CCDC159: variants seen among roughly 807,000 people sequenced by gnomAD.
CCDC159 encodes the protein coiled-coil domain containing 159.
CCDC159 carries 40 observed loss-of-function variants against 50.9 expected under a neutral mutation model. That is an observed-to-expected ratio of 0.79 (90% CI 0.61 to 1.02). CCDC159 has a LOEUF of 1.02. CCDC159 is among the 50% of genes least tolerant of loss of function. The pLI is 0.00. For missense variants in CCDC159, 356 were observed against 371.5 expected (o/e 0.96, Z 0.34); for synonymous variants, 146 against 138.9 (o/e 1.05, Z -0.36).
At chr19:11,351,861 G>C (rs1159736649) in intron 5 of CCDC159, 45 bp from the exon 6 acceptor site, 1 of 1,543,166 alleles carries the variant, frequency 6.5e-7, no homozygotes, top group Admixed American at 1.9e-5. Flanking sequence ...TGGGAGGTCA[G>C]GGGCCAGGCA....
At chr19:11,349,450 C>T (rs1336781836) in intron 1 of CCDC159, 11 of 634,450 alleles carry the variant, frequency 1.7e-5, no homozygotes, top group Non-Finnish European at 3.0e-5. Flanking sequence ...CGTCTCTCAG[C>T]CACATAAGTG....
Position 11,348,006 on chromosome 19 carries a change from G to A in CCDC159, c.21+1379G>A, listed in dbSNP as rs1477704593. The A allele has an allele frequency of 9.7e-6, 4 of 411,328 alleles. No individual in the cohort carries two copies. The East Asian group carries it at 2.1e-4, about 22-fold the overall frequency. The allele number at this position is 411,328 out of a possible 1,614,324, so 25.5% of individuals were successfully genotyped here. Reference sequence around the variant, plus strand: ...CCTGTGGGGCCAGGTCGAAACTCCTGGCTTGGCCGTCAATGCCTTACTGGA... The same window carrying A: ...CCTGTGGGGCCAGGTCGAAACTCCTAGCTTGGCCGTCAATGCCTTACTGGA... On this transcript the variant is annotated intron_variant, in intron 1 of 10. Transcript: ENST00000458408.
At chr19:11,352,352 A>G (rs1458077858) in intron 7 of CCDC159, 2 of 552,162 alleles carry the variant, frequency 3.6e-6, no homozygotes, top group African/African-American at 3.8e-5. Flanking sequence ...GCGGTGGCTC[A>G]CGCCTGTAAT....
At chr19:11,353,965 T>A in intron 9 of CCDC159, 91 bp downstream of exon 9, 2 of 994,380 alleles carry the variant, frequency 2.0e-6, no homozygotes, top group Non-Finnish European at 3.0e-6. Flanking sequence ...GGGAGTCACA[T>A]CTGATGGGTG....
chr19:11,351,978 G>A lies in CCDC159; in HGVS notation c.490+5G>A. 1 of 1,610,366 alleles carries A rather than the reference G, an allele frequency of 6.2e-7. No individual in the cohort carries two copies. Among genetic ancestry groups the A allele is most frequent in the Non-Finnish European group, 8.5e-7 (1 of 1,178,328 alleles). On this transcript the variant is annotated splice_donor_5th_base_variant and intron_variant, in intron 6 of 10. Transcript: ENST00000458408. The stretch of plus-strand genomic sequence containing the variant: ...CCTTCATCTATCAGAAGCTCCGTGA[G>A]TTCCTGGAGCCCACAGCCGGTGTGT...
intron 1 of CCDC159, among the ~76,000 whole-genome samples, chr19:11,347,367 G>A (rs1411921360): frequency 6.6e-6 from 1 of 152,278 alleles, no homozygotes; most frequent in African/African-American, 2.4e-5. Context: ...TTTCGCTCTC[G>A]TTGCCCGGGC....
intron 4 of CCDC159, 107 bp from the exon 5 acceptor site, chr19:11,350,696 GGGCCA>G: frequency 9.5e-7 from 1 of 1,057,846 alleles, no homozygotes; most frequent in Non-Finnish European, 1.3e-6. Flanking sequence ...GGGATCAGCT[GGGCCA>G]GGCCAGGGTG....
At position 11,352,085 on chromosome 19, in the gene CCDC159, C is replaced by A. The variant is rs752866672; in HGVS notation, c.519C>A (p.Asn173Lys). The A allele has an allele frequency of 1.2e-6, 2 of 1,613,664 alleles. No homozygotes were observed. The highest frequency in any genetic ancestry group is 1.7e-6 in the Non-Finnish European group (2 of 1,179,810). The part of the protein sequence containing the change: ...LQAQEDEISE[N>K]LVNIQKMQKT... ...CGCAGGAGGATGAGATCTCAGAGAA[C>A]TTGGTGAACATTCAGAAAATGCAGA... The change falls in exon 7 of 11, where the codon AAC becomes AAA. Residue 173 changes from asparagine to lysine, a missense_variant. Physicochemically the swap from Asn to Lys is moderately conservative, Grantham distance 94. Transcript: ENST00000458408.
At chr19:11,352,862 T>A (rs1034688258) in intron 7 of CCDC159, among the ~76,000 whole-genome samples, 11 of 151,934 alleles carry the variant, frequency 7.2e-5, no homozygotes, top group Middle Eastern at 6.8e-3. Flanking sequence ...GCCTTGGAGG[T>A]TCAGGGTGCG....
chr19:11,354,689 C>T lies in CCDC159; in HGVS notation c.882C>T (p.Phe294=). The change falls in exon 10 of 11, where the codon TTC becomes TTT. Residue 294 remains phenylalanine, a synonymous_variant. Transcript: ENST00000458408. ...QPPFSKSGRS[F]PPA Reference sequence around the variant, plus strand: ...CTTTCAGCAAGAGCGGCCGCTCCTTCCCACCCGGTGCAGATCCTCCCCAGT... The same window carrying T: ...CTTTCAGCAAGAGCGGCCGCTCCTTTCCACCCGGTGCAGATCCTCCCCAGT... 3 of 1,607,614 alleles carry T rather than the reference C, an allele frequency of 1.9e-6. No individual in the cohort carries two copies. The highest frequency in any genetic ancestry group is 1.3e-5 in the African/African-American group (1 of 74,786).
Position 11,350,878 on chromosome 19 carries a change from G to A in CCDC159, c.297G>A (p.Gln99=). Residue 99 remains glutamine, a synonymous_variant, in exon 5 of 11, where the codon CAG becomes CAA. Transcript: ENST00000458408. ...EHKWGMEQGR[Q]ELYGALTQGL... ...AGTGGGGCATGGAGCAGGGCCGGCAGGAGCTGTATGGGGCCCTGACCCAAG... is the reference window on the plus strand; with the variant it reads ...AGTGGGGCATGGAGCAGGGCCGGCAAGAGCTGTATGGGGCCCTGACCCAAG... The A allele has an allele frequency of 1.9e-6, 3 of 1,552,158 alleles. No individual in the cohort carries two copies. The highest frequency in any genetic ancestry group is 2.6e-6 in the Non-Finnish European group (3 of 1,147,798).
rs779106159 is a variant in CCDC159, at chr19:11,350,856, G to A, written c.275G>A (p.Trp92Ter). Reference protein sequence around the residue: ...GRQGEKEEHKWGMEQGRQELY... With the variant: ...GRQGEKEEHK ...CAGGGAGAGAAGGAGGAGCACAAGT[G>A]GGGCATGGAGCAGGGCCGGCAGGAG... The change falls in exon 5 of 11, where the codon TGG (tryptophan) becomes TAG (stop). Residue 92 changes from tryptophan (W) to a stop codon, truncating the protein, a stop_gained. Coordinates refer to ENST00000458408, the MANE Select transcript of CCDC159 (RefSeq NM_001080503.3). LOFTEE classifies it high-confidence loss of function. The A allele has an allele frequency of 7.7e-6, 12 of 1,551,538 alleles. No individual in the cohort carries two copies. In the Admixed American group the frequency reaches 2.2e-4, roughly 28 times the overall value.
chr19:11,352,910 GA>G (rs1967661078), intron 7 of CCDC159, among the ~76,000 whole-genome samples: 1 of 151,754 alleles, frequency 6.6e-6, no homozygotes, highest in Admixed American at 6.6e-5. Flanking sequence ...TAGCCTGGGC[GA>G]CAGACTGAGA....
At position 11,353,510 on chromosome 19, in the gene CCDC159, G is replaced by C. The variant is rs970980265; in HGVS notation, c.627G>C (p.Glu209Asp). 2 of 1,612,626 alleles carry C rather than the reference G, an allele frequency of 1.2e-6. No individual in the cohort carries two copies. Among genetic ancestry groups the C allele is most frequent in the Middle Eastern group, 1.7e-4 (1 of 6,058 alleles). ...CAGCCGCCTGTCCGGAGACTGAAGAGATACCGCAGGGAGCCAGTGGCTGCT... is the reference window on the plus strand; with the variant it reads ...CAGCCGCCTGTCCGGAGACTGAAGACATACCGCAGGGAGCCAGTGGCTGCT... ...HETAACPETEEIPQGASGCWK... is the reference protein window; with the variant it reads ...HETAACPETEDIPQGASGCWK... Residue 209 changes from glutamate (E) to aspartate (D), a missense_variant, in exon 8 of 11, where the codon GAG becomes GAC. Coordinates refer to ENST00000458408, the MANE Select transcript of CCDC159 (RefSeq NM_001080503.3).
rs748284386 is a variant in CCDC159 at position 11,353,844 on chromosome 19, G to A, written c.742G>A (p.Gly248Arg). 28 of 1,592,120 alleles carry A rather than the reference G, an allele frequency of 1.8e-5. No individual in the cohort carries two copies. The highest frequency in any genetic ancestry group is 1.6e-4 in the East Asian group (7 of 43,828). ...CATAGACAGCCTCACTTTGTGCTCG[G>A]GGGCCTGTCCCAAGGCCTCGAGCCT... ...NSIDSLTLCSGACPKASSLRG... is the reference protein window; with the variant it reads ...NSIDSLTLCSRACPKASSLRG... Residue 248 changes from glycine (G) to arginine (R), a missense_variant, in exon 9 of 11, where the codon GGG becomes AGG. By Grantham distance (125) the Gly-to-Arg change is moderately radical. Transcript: ENST00000458408.
Position 11,349,153 on chromosome 19 carries a change from T to TAA in CCDC159, c.22-500_22-499dup, listed in dbSNP as rs1184307253. 8 of 1,351,024 alleles carry TAA rather than the reference T, an allele frequency of 5.9e-6. No individual in the cohort carries two copies. In the African/African-American group the frequency reaches 1.2e-4, roughly 20 times the overall value. The allele number at this position is 1,351,024 out of a possible 1,614,324, so 83.7% of individuals were successfully genotyped here. A position where few individuals can be genotyped will look rare whatever the true frequency, so the allele number is the denominator to read the frequency against. On this transcript the variant is annotated intron_variant, in intron 1 of 10. Coordinates refer to ENST00000458408, the MANE Select transcript of CCDC159 (RefSeq NM_001080503.3). ...GTCCAGACCTGCAGAAGCAGTGCTG[T>TAA]AATGACCAGGACATTTTGAAGAGGC... is the stretch of plus-strand genomic sequence containing the variant.
chr19:11,354,540 T>A, intron 9 of CCDC159, 40 bp from the exon 10 acceptor site: 1 of 1,532,514 alleles, frequency 6.5e-7, no homozygotes, highest in East Asian at 2.4e-5. Flanking sequence ...ATTTGGGGGT[T>A]ACTTGAGGGT....
At chr19:11,350,257 T>C (rs1967497903) in intron 4 of CCDC159, 58 bp downstream of exon 4, 1 of 1,456,896 alleles carries the variant, frequency 6.9e-7, no homozygotes, top group African/African-American at 1.4e-5. Context: ...CTCACGCCTG[T>C]AATCCCAGCA....
At chr19:11,354,467 A>C in intron 9 of CCDC159, 113 bp from the exon 10 acceptor site, 1 of 990,326 alleles carries the variant, frequency 1.0e-6, no homozygotes, top group Non-Finnish European at 1.5e-6. Context: ...ATCACATTCA[A>C]GGGAATTGGG....
Sources: gnomAD v4.1 joint callset for allele counts (sites outside exome capture counted in the v4.1 genomes callset) on GRCh38, gnomAD v4.1.1 for gene constraint, MANE v1.5 for transcripts, NCBI Gene and HGNC (gene_info 2026-07-23, HGNC 2026-07-21) for gene names.